Variants in KSR2 observed in about 807,000 individuals in gnomAD.
KSR2 encodes the protein kinase suppressor of ras 2.
KSR2 carries 25 observed loss-of-function variants against 107.8 expected under a neutral mutation model. The ratio of observed to expected loss-of-function variants is 0.23; its 90% CI spans 0.17 to 0.32. KSR2 has a LOEUF of 0.32. Ranked by LOEUF, KSR2 falls within the 10% of genes least tolerant of loss-of-function variation. The probability of loss-of-function intolerance (pLI) is 1.00; values close to 1 mark genes in which losing one functional copy is unlikely to be tolerated. For synonymous variants in KSR2, 480 were observed against 507.0 expected (o/e 0.95, Z 0.71); for missense variants, 887 against 1,268.9 (o/e 0.70, Z 4.57).
Position 117,786,196 on chromosome 12 carries a change from T to C in KSR2, c.473-24672A>G, listed in dbSNP as rs1593234753. Among the ~76,000 whole-genome samples the C allele has an allele frequency of 2.0e-5, 3 of 152,340 alleles. No individual in the cohort carries two copies. In the South Asian group the frequency reaches 6.2e-4, roughly 32 times the overall value. On this transcript the variant is annotated intron_variant, in intron 3 of 19. Coordinates refer to ENST00000339824, the MANE Select transcript of KSR2 (RefSeq NM_173598.6). ...TTTGCAGATAAATTTTGACATTTATTCCATTTTAACAACATTTAAGAAAGA... is the reference window on the plus strand; with the variant it reads ...TTTGCAGATAAATTTTGACATTTATCCCATTTTAACAACATTTAAGAAAGA...
intron 4 of KSR2, among the ~76,000 whole-genome samples, chr12:117,682,014 A>G (rs1213123564): frequency 6.6e-6 from 1 of 152,244 alleles, no homozygotes; most frequent in Admixed American, 6.5e-5. Flanking sequence ...ACATGGAATC[A>G]ACCCAAATGC....
rs370168622 is a variant in KSR2 at position 117,606,140 on chromosome 12, T to G, written c.1172-23781A>C. 3.5e-4 allele frequency among the ~76,000 whole-genome samples: 54 copies of G among 152,212 alleles called. 1 individual carries two copies. In the South Asian group the frequency reaches 6.4e-3, roughly 18 times the overall value. On this transcript the variant is annotated intron_variant, in intron 5 of 19. Transcript: ENST00000339824. The stretch of plus-strand genomic sequence containing the variant: ...GGCTTACCTGGCATGCAGGAATGGA[T>G]AGGTGAAAGTTCAACAGTTAAAAAG...
chr12:117,639,580 T>C (rs762693593), intron 5 of KSR2, among the ~76,000 whole-genome samples: 1 of 150,140 alleles, frequency 6.7e-6, no homozygotes, highest in Non-Finnish European at 1.5e-5. Flanking sequence ...TCCACCTACC[T>C]CAGCCTCCCA....
intron 3 of KSR2, among the ~76,000 whole-genome samples, chr12:117,833,309 G>A (rs1332713188): frequency 1.3e-5 from 2 of 152,174 alleles, no homozygotes; most frequent in African/African-American, 4.8e-5. Flanking sequence ...ACATAGTAGA[G>A]GAATGTTAAA....
chr12:117,723,246 G>C (rs1016005428), intron 4 of KSR2, among the ~76,000 whole-genome samples: 1 of 152,166 alleles, frequency 6.6e-6, no homozygotes, highest in African/African-American at 2.4e-5. Context: ...ATCTGCCCAA[G>C]TTGTCACTAA....
At chr12:117,896,246 A>G (rs1425191076) in intron 1 of KSR2, among the ~76,000 whole-genome samples, 1 of 152,200 alleles carries the variant, frequency 6.6e-6, no homozygotes, top group Non-Finnish European at 1.5e-5. Flanking sequence ...CCTCAAAAAC[A>G]CTATGCTGAG....
At chr12:117,837,538 C>G (rs1304600618) in intron 3 of KSR2, among the ~76,000 whole-genome samples, 1 of 152,066 alleles carries the variant, frequency 6.6e-6, no homozygotes, top group African/African-American at 2.4e-5. Context: ...GTGCCCCTAA[C>G]TTTTTCAAGC....
At chr12:117,550,611 G>A (rs780529945) in intron 9 of KSR2, among the ~76,000 whole-genome samples, 2 of 152,180 alleles carry the variant, frequency 1.3e-5, no homozygotes, top group African/African-American at 2.4e-5. Context: ...AGCAAAGGCT[G>A]AGATAAGATG....
chr12:117,717,891 T>G (rs1365332294), intron 4 of KSR2, among the ~76,000 whole-genome samples: 1 of 152,164 alleles, frequency 6.6e-6, no homozygotes, highest in Admixed American at 6.5e-5. Flanking sequence ...CAATTGAGTC[T>G]CTTTCTGGAA....
intron 5 of KSR2, among the ~76,000 whole-genome samples, chr12:117,645,131 T>C (rs1883557632): frequency 6.6e-6 from 1 of 152,108 alleles, no homozygotes; most frequent in Non-Finnish European, 1.5e-5. Flanking sequence ...ACTGTGAAGA[T>C]GGAAGTTTGG....
At chr12:117,610,081 C>A (rs570875360) in intron 5 of KSR2, among the ~76,000 whole-genome samples, 4 of 152,146 alleles carry the variant, frequency 2.6e-5, no homozygotes, top group South Asian at 4.2e-4. Flanking sequence ...CTGCTTATAT[C>A]GTTTTCTTAT....
At chr12:117,574,822 G>A (rs1473925020) in intron 7 of KSR2, among the ~76,000 whole-genome samples, 1 of 149,418 alleles carries the variant, frequency 6.7e-6, no homozygotes, top group Admixed American at 6.7e-5. Context: ...GTGTAGAATA[G>A]CATGAGGCCA....
chr12:117,512,862 C>T (rs2137202502), intron 14 of KSR2, among the ~76,000 whole-genome samples: 1 of 152,286 alleles, frequency 6.6e-6, no homozygotes, highest in African/African-American at 2.4e-5. Flanking sequence ...CTTCCAGTGA[C>T]ACCAGAAGGC....
At chr12:117,703,051 G>A (rs755470235) in intron 4 of KSR2, among the ~76,000 whole-genome samples, 3 of 152,042 alleles carry the variant, frequency 2.0e-5, no homozygotes, top group African/African-American at 7.2e-5. Context: ...TCGACTCTTT[G>A]GAAAAGCCCA....
intron 4 of KSR2, among the ~76,000 whole-genome samples, chr12:117,703,021 T>C (rs1886385679): frequency 6.6e-6 from 1 of 152,046 alleles, no homozygotes; most frequent in South Asian, 2.1e-4. Context: ...TCCTTCTCAT[T>C]CTCTCCAGAC....
At chr12:117,611,520 G>A (rs1026493527) in intron 5 of KSR2, among the ~76,000 whole-genome samples, 1 of 148,432 alleles carries the variant, frequency 6.7e-6, no homozygotes, top group Non-Finnish European at 1.5e-5. Flanking sequence ...TGGATGGGAC[G>A]TAGCATGGTT....
In KSR2 at chr12:117,667,507, G is replaced by C. The variant is rs1477419689; in HGVS notation, c.1138C>G (p.Pro380Ala). 1 of 1,612,250 alleles carries C rather than the reference G, an allele frequency of 6.2e-7. No homozygotes were observed. The stretch of plus-strand genomic sequence containing the variant: ...AAGTTGGCCTCAGTGTGAACAGGAG[G>C]GGTGGAAGGCAGGAAAGGTGCGTGT... ...VGHAPFLPST[P>A]PVHTEANFSA... The change falls in exon 5 of 20, where the codon CCT becomes GCT. Residue 380 changes from proline to alanine, a missense_variant. Physicochemically the swap from Pro to Ala is conservative, Grantham distance 27. Around this residue, in one of 8 missense-constraint regions of KSR2, gnomAD observed 399 missense variants for 479.5 expected, o/e 0.83. Transcript: ENST00000339824.
intron 3 of KSR2, among the ~76,000 whole-genome samples, chr12:117,826,786 G>C (rs1050608966): frequency 6.6e-6 from 1 of 151,886 alleles, no homozygotes; most frequent in South Asian, 2.1e-4. Context: ...TGCACTTTTT[G>C]TTTCAACATC....
intron 4 of KSR2, among the ~76,000 whole-genome samples, chr12:117,713,242 T>C (rs1372816490): frequency 1.3e-5 from 2 of 151,864 alleles, no homozygotes; most frequent in Non-Finnish European, 2.9e-5. Flanking sequence ...TATATCTAAG[T>C]AGACAGATGA....
Sources: gnomAD v4.1 joint callset for allele counts (sites outside exome capture counted in the v4.1 genomes callset) on GRCh38, gnomAD v4.1.1 for gene constraint, gnomAD v4.1.1 regional missense constraint, MANE v1.5 for transcripts, NCBI Gene and HGNC (gene_info 2026-07-23, HGNC 2026-07-21) for gene names.